Variants in AKAP6 observed in about 807,000 individuals in gnomAD.
AKAP6 encodes A-kinase anchor protein 6.
In AKAP6, 58 loss-of-function variants were observed where a neutral mutation model predicts 188.5. That is an observed-to-expected ratio of 0.31 (90% CI 0.25 to 0.38). The LOEUF (loss-of-function observed/expected upper bound fraction) is 0.38. Among genes scored for constraint, AKAP6 ranks in the 10% least tolerant of loss-of-function variants. The pLI, the probability that AKAP6 is intolerant of heterozygous loss-of-function variation, is 1.00. For synonymous variants in AKAP6, 989 were observed against 998.6 expected (o/e 0.99, Z 0.18); for missense variants, 2,710 against 2,740.0 (o/e 0.99, Z 0.24).
At chr14:32,529,666 G>A (rs1882306590) in intron 2 of AKAP6, among the ~76,000 whole-genome samples, 1 of 152,114 alleles carries the variant, frequency 6.6e-6, no homozygotes, top group South Asian at 2.1e-4. Context: ...TTTACTGAGA[G>A]GGATAGTTCA....
chr14:32,830,135 C>G lies in AKAP6; in HGVS notation c.*330C>G, dbSNP rs972133407. On this transcript the variant is annotated 3_prime_UTR_variant, in exon 14 of 14. Transcript: ENST00000280979. ...GCTAGACTTTTCTCTTTGCCTCCTC[C>G]CTTCCCTTCCACTCTTTAAAGTTCT... 1.7e-6 allele frequency: 1 copy of G among 591,122 alleles called. No homozygotes were observed. The highest frequency in any genetic ancestry group is 3.0e-6 in the Non-Finnish European group (1 of 332,476). 36.6% of individuals were successfully genotyped at this position (591,122 alleles called of 1,614,324 possible).
intron 1 of AKAP6, among the ~76,000 whole-genome samples, chr14:32,389,303 C>T (rs1182944572): frequency 6.6e-6 from 1 of 152,056 alleles, no homozygotes; most frequent in African/African-American, 2.4e-5. Flanking sequence ...ATCTGCAAGT[C>T]TGTATCTTTT....
At chr14:32,548,919 T>A (rs192311331) in intron 4 of AKAP6, among the ~76,000 whole-genome samples, 267 of 152,332 alleles carry the variant, frequency 1.8e-3, no homozygotes, top group African/African-American at 6.2e-3. Context: ...TTTTTGTTTT[T>A]TTTACATCCA....
At chr14:32,800,076 TATATATATATACAAA>T (rs1180629597) in intron 12 of AKAP6, among the ~76,000 whole-genome samples, 2 of 145,496 alleles carry the variant, frequency 1.4e-5, no homozygotes, top group Non-Finnish European at 3.0e-5. Context: ...TATATAGAAA[TATATATATATACAAA>T]ATATATATAT....
Position 32,824,668 on chromosome 14 carries a change from T to C in AKAP6, c.6855T>C (p.Asn2285=). The C allele has an allele frequency of 1.2e-6, 2 of 1,613,818 alleles. No homozygotes were observed. The highest frequency in any genetic ancestry group is 2.2e-5 in the East Asian group (1 of 44,874). ...TTCAAGACCTCTCCTTGAAGGCAAA[T>C]CAGCCAACAGACAAGGCCGCATTGC... The part of the protein sequence containing the change: ...SKVQDLSLKA[N]QPTDKAALHP... Residue 2285 remains asparagine (N), a synonymous_variant, in exon 13 of 14, where the codon AAT becomes AAC. Coordinates refer to ENST00000280979, the MANE Select transcript of AKAP6 (RefSeq NM_004274.5).
intron 9 of AKAP6, among the ~76,000 whole-genome samples, chr14:32,715,722 C>A (rs1041030363): frequency 4.6e-5 from 7 of 151,636 alleles, no homozygotes; most frequent in African/African-American, 1.7e-4. Context: ...AGTGACAAAC[C>A]ATATAGCTTT....
chr14:32,709,891 A>T (rs1890968982), intron 9 of AKAP6, among the ~76,000 whole-genome samples: 1 of 152,008 alleles, frequency 6.6e-6, no homozygotes, highest in African/African-American at 2.4e-5. Flanking sequence ...TGGTGAAAAA[A>T]ATTTTTTTAA....
At chr14:32,518,471 T>G (rs145233118) in intron 2 of AKAP6, among the ~76,000 whole-genome samples, 1 of 152,264 alleles carries the variant, frequency 6.6e-6, no homozygotes, top group East Asian at 1.9e-4. Flanking sequence ...AATGGCTAAC[T>G]AGAATAAACA....
At chr14:32,374,578 C>T (rs941936089) in intron 1 of AKAP6, among the ~76,000 whole-genome samples, 2 of 152,132 alleles carry the variant, frequency 1.3e-5, no homozygotes, top group South Asian at 4.1e-4. Context: ...GAAGGGCCTA[C>T]TTAAGGTATT....
In AKAP6 at chr14:32,697,057, T is replaced by C. The variant is rs952411200; in HGVS notation, c.3000+947T>C. ...AGTATAATGACAAGAAACAACTACC[T>C]TCTAGTTTTTAAAAATTTCTTATAG... On this transcript the variant is annotated intron_variant, in intron 9 of 13. Transcript: ENST00000280979. Among the ~76,000 whole-genome samples the C allele has an allele frequency of 4.6e-5, 7 of 152,130 alleles. No homozygotes were observed. The East Asian group carries it at 1.2e-3, about 25-fold the overall frequency.
chr14:32,700,368 G>C (rs947280263), intron 9 of AKAP6, among the ~76,000 whole-genome samples: 1 of 152,148 alleles, frequency 6.6e-6, no homozygotes, highest in Non-Finnish European at 1.5e-5. Flanking sequence ...AGAAGTTGCA[G>C]CCTGGTGATT....
chr14:32,540,168 C>CTCTATATATATATA (rs1240063339), intron 3 of AKAP6, among the ~76,000 whole-genome samples: 8 of 60,912 alleles, frequency 1.3e-4, no homozygotes, highest in African/African-American at 6.8e-4. Flanking sequence ...CTCTCTCTCT[C>CTCTATATATATATA]TATATATATA....
intron 2 of AKAP6, among the ~76,000 whole-genome samples, chr14:32,529,890 T>C (rs1310605391): frequency 6.6e-6 from 1 of 152,076 alleles, no homozygotes; most frequent in Non-Finnish European, 1.5e-5. Context: ...AAAATACATG[T>C]ATTAGGTCAG....
intron 2 of AKAP6, among the ~76,000 whole-genome samples, chr14:32,473,169 TTATAACA>T (rs1399174546): frequency 6.6e-6 from 1 of 152,228 alleles, no homozygotes; most frequent in Non-Finnish European, 1.5e-5. Flanking sequence ...GAAGCAATAC[TTATAACA>T]TAGATGATAA....
chr14:32,488,890 A>T (rs1879846752), intron 2 of AKAP6, among the ~76,000 whole-genome samples: 1 of 152,196 alleles, frequency 6.6e-6, no homozygotes, highest in Non-Finnish European at 1.5e-5. Flanking sequence ...TCAGTTGGAA[A>T]TGCAGAAATC....
chr14:32,483,716 T>C (rs1879496857), intron 2 of AKAP6, among the ~76,000 whole-genome samples: 3 of 152,102 alleles, frequency 2.0e-5, no homozygotes, highest in Admixed American at 1.3e-4. Context: ...ACTCCCAACC[T>C]CAGGTGATCT....
rs137997076 is a variant in AKAP6 at position 32,621,940 on chromosome 14, A to G, written c.2730+21148A>G. Among the ~76,000 whole-genome samples, 685 of 152,276 alleles carry G rather than the reference A, an allele frequency of 4.5e-3. 5 individuals carry two copies. The highest frequency in any genetic ancestry group is 0.016 in the African/African-American group (662 of 41,576). On this transcript the variant is annotated intron_variant, in intron 7 of 13. Transcript: ENST00000280979. ...AACACTTAATTTTCATTTAAGTATT[A>G]TAATTGTTATTGAGCTCCCAGAGGG... is the stretch of plus-strand genomic sequence containing the variant.
chr14:32,629,215 G>T (rs994727106), intron 7 of AKAP6, among the ~76,000 whole-genome samples: 1 of 152,004 alleles, frequency 6.6e-6, no homozygotes. Context: ...CTGTTAAGTT[G>T]GTTGGCTGCC....
intron 12 of AKAP6, among the ~76,000 whole-genome samples, chr14:32,813,874 ATTTTT>A (rs71115099): frequency 7.0e-6 from 1 of 142,648 alleles, no homozygotes; most frequent in East Asian, 2.1e-4. Flanking sequence ...AAGTGATAGG[ATTTTT>A]TTTTTTTTTT....
Sources: allele counts gnomAD v4.1 joint callset (sites outside exome capture counted in the v4.1 genomes callset), GRCh38; gene constraint gnomAD v4.1.1; transcripts MANE v1.5; gene names NCBI Gene and HGNC (gene_info 2026-07-23, HGNC 2026-07-21).